The following RAPGEF6 variants were observed in gnomAD, a reference collection of about 807,000 sequenced individuals.
RAPGEF6 encodes Rap guanine nucleotide exchange factor 6.
RAPGEF6 carries 56 observed loss-of-function variants against 171.4 expected under a neutral mutation model. The observed-to-expected ratio is 0.33, with a 90% CI of 0.26 to 0.41. The LOEUF is 0.41. Among genes scored for constraint, RAPGEF6 ranks in the 10% least tolerant of loss-of-function variants. The pLI is 1.00. For synonymous variants in RAPGEF6, 692 were observed against 650.1 expected (o/e 1.06, Z -0.98); for missense variants, 1,674 against 1,921.4 (o/e 0.87, Z 2.41).
At chr5:131,594,073 C>A (rs1196447149) in intron 3 of RAPGEF6, among the ~76,000 whole-genome samples, 1 of 152,210 alleles carries the variant, frequency 6.6e-6, no homozygotes, top group Non-Finnish European at 1.5e-5. Context: ...GCAGCCTCTC[C>A]TATCACAGGC....
chr5:131,536,091 C>T (rs542945997), intron 6 of RAPGEF6, among the ~76,000 whole-genome samples: 2 of 151,972 alleles, frequency 1.3e-5, no homozygotes, highest in Non-Finnish European at 2.9e-5. Flanking sequence ...AGTTAAAGAA[C>T]AAAAGAAAAA....
At chr5:131,618,709 T>C (rs1765421558) in intron 1 of RAPGEF6, among the ~76,000 whole-genome samples, 1 of 152,244 alleles carries the variant, frequency 6.6e-6, no homozygotes, top group East Asian at 1.9e-4. Flanking sequence ...GGATTATCAA[T>C]GAATGCTAAA....
chr5:131,433,640 G>A lies in RAPGEF6; in HGVS notation c.3764C>T (p.Ser1255Leu). ...SPHKGYTLIP[S>L]AKSDNLSDSS... The stretch of plus-strand genomic sequence containing the variant: ...GTCAGACAAGTTGTCAGATTTAGCT[G>A]ATGGAATAAGTGTGTAACCTGAACA... The change falls in exon 25 of 28, where the codon TCA becomes TTA. Residue 1255 changes from serine (S) to leucine (L), a missense_variant. By Grantham distance (145) the Ser-to-Leu change is moderately radical. Transcript: ENST00000509018. The A allele has an allele frequency of 6.2e-7, 1 of 1,609,370 alleles. No homozygotes were observed. Among genetic ancestry groups the A allele is most frequent in the Non-Finnish European group, 8.5e-7 (1 of 1,176,036 alleles).
chr5:131,579,340 G>C (rs187196783), intron 4 of RAPGEF6, among the ~76,000 whole-genome samples: 4 of 152,332 alleles, frequency 2.6e-5, no homozygotes, highest in Admixed American at 1.3e-4. Context: ...AGTTTCCACA[G>C]TGTGGAAGGG....
At chr5:131,443,762 T>C (rs1224021078) in intron 22 of RAPGEF6, among the ~76,000 whole-genome samples, 1 of 152,236 alleles carries the variant, frequency 6.6e-6, no homozygotes, top group African/African-American at 2.4e-5. Flanking sequence ...TTTAACCTAC[T>C]TGAGAGTAAG....
intron 26 of RAPGEF6, among the ~76,000 whole-genome samples, chr5:131,429,977 C>G (rs10041712): frequency 0.43 from 64,376 of 150,318 alleles, 18,048 homozygotes; most frequent in African/African-American, 0.8. Context: ...TTGAACCTGG[C>G]AGGCGAAGGT....
In RAPGEF6 at chr5:131,538,211, T is replaced by G. The variant is rs190146225; in HGVS notation, c.495+9836A>C. On this transcript the variant is annotated intron_variant, in intron 6 of 27. Transcript: ENST00000509018. ...TTAGGTATTATAAGTAATCTAGAAA[T>G]GATTCAAAATACAGTCATGCATTGC... is the stretch of plus-strand genomic sequence containing the variant. 1.0e-3 allele frequency among the ~76,000 whole-genome samples: 158 copies of G among 152,332 alleles called. 1 individual carries two copies. Among genetic ancestry groups the G allele is most frequent in the African/African-American group, 3.6e-3 (151 of 41,568 alleles).
chr5:131,437,901 A>G (rs117309885), intron 24 of RAPGEF6, among the ~76,000 whole-genome samples: 3 of 152,212 alleles, frequency 2.0e-5, no homozygotes, highest in African/African-American at 2.4e-5. Context: ...TTTAAACCAC[A>G]TAAGAGGCTG....
At chr5:131,435,554 T>G (rs1345351739) in intron 24 of RAPGEF6, among the ~76,000 whole-genome samples, 1 of 152,218 alleles carries the variant, frequency 6.6e-6, no homozygotes, top group East Asian at 1.9e-4. Flanking sequence ...ATCCCATTTC[T>G]GGCAATTCAA....
At chr5:131,580,506 C>T (rs944745467) in intron 4 of RAPGEF6, among the ~76,000 whole-genome samples, 3 of 151,934 alleles carry the variant, frequency 2.0e-5, no homozygotes, top group African/African-American at 7.2e-5. Context: ...GGCTGAAGGG[C>T]TCCTCAAGCG....
At chr5:131,562,128 A>C in intron 4 of RAPGEF6, 81 bp from the exon 5 acceptor site, 1 of 925,338 alleles carries the variant, frequency 1.1e-6, no homozygotes, top group Non-Finnish European at 1.6e-6. Flanking sequence ...CAAACAAACA[A>C]CAAAAAAGCC....
chr5:131,477,744 A>C (rs2149854230), intron 16 of RAPGEF6, among the ~76,000 whole-genome samples: 1 of 152,320 alleles, frequency 6.6e-6, no homozygotes, highest in South Asian at 2.1e-4. Flanking sequence ...GATACATGTC[A>C]CAACTGTGTC....
intron 24 of RAPGEF6, among the ~76,000 whole-genome samples, chr5:131,435,254 A>C (rs980894257): frequency 4.6e-5 from 7 of 152,224 alleles, no homozygotes; most frequent in African/African-American, 1.7e-4. Context: ...AGCCAAGACA[A>C]GCCAGTCTTC....
intron 3 of RAPGEF6, among the ~76,000 whole-genome samples, chr5:131,597,472 C>A (rs1455400647): frequency 6.6e-6 from 1 of 151,870 alleles, no homozygotes; most frequent in Non-Finnish European, 1.5e-5. Flanking sequence ...AATGAATGAA[C>A]AGATAAAGAA....
chr5:131,497,436 C>A (rs146157505), intron 12 of RAPGEF6, among the ~76,000 whole-genome samples: 1 of 152,146 alleles, frequency 6.6e-6, no homozygotes, highest in Non-Finnish European at 1.5e-5. Flanking sequence ...GAGAAACCAA[C>A]GCCAAATCCA....
Position 131,505,049 on chromosome 5 carries a change from T to A in RAPGEF6, c.1102-271A>T, listed in dbSNP as rs1342576158. Reference sequence around the variant, plus strand: ...ATGTAAAGAACATATGAAGCAGGAGTAAGTTAGAAACAAACAACTCAGAAG... The same window carrying A: ...ATGTAAAGAACATATGAAGCAGGAGAAAGTTAGAAACAAACAACTCAGAAG... On this transcript the variant is annotated intron_variant, in intron 10 of 27. Transcript: ENST00000509018. Among the ~76,000 whole-genome samples, 3 of 151,892 alleles carry A rather than the reference T, an allele frequency of 2.0e-5. No homozygotes were observed. In the East Asian group the frequency reaches 5.8e-4, roughly 29 times the overall value.
chr5:131,517,780 T>TACACACACACAC (rs36091456), intron 7 of RAPGEF6, among the ~76,000 whole-genome samples: 2 of 140,400 alleles, frequency 1.4e-5, no homozygotes, highest in South Asian at 2.4e-4. Context: ...TTCGCGCATG[T>TACACACACACAC]ACACACACAC....
intron 5 of RAPGEF6, among the ~76,000 whole-genome samples, chr5:131,556,549 T>C (rs1761248307): frequency 6.6e-6 from 1 of 152,196 alleles, no homozygotes; most frequent in South Asian, 2.1e-4. Flanking sequence ...GAAATAATAA[T>C]TCTTCATGGA....
chr5:131,436,260 G>C, intron 24 of RAPGEF6: 1 of 1,537,472 alleles, frequency 6.5e-7, no homozygotes, highest in Non-Finnish European at 8.7e-7. Flanking sequence ...TCTCAGTACT[G>C]TCTGTTCTTT....
Sources: gnomAD v4.1 joint callset for allele counts (sites outside exome capture counted in the v4.1 genomes callset) on GRCh38, gnomAD v4.1.1 for gene constraint, MANE v1.5 for transcripts, NCBI Gene and HGNC (gene_info 2026-07-23, HGNC 2026-07-21) for gene names.